RAB3IP: variants seen among roughly 807,000 people sequenced by gnomAD.
RAB3IP encodes the protein rab-3A-interacting protein.
Under a neutral mutation model 59.1 loss-of-function variants are expected in RAB3IP, and 36 were observed. The observed-to-expected ratio is 0.61, with a 90% confidence interval of 0.47 to 0.80. RAB3IP has a LOEUF of 0.80. Among genes scored for constraint, RAB3IP ranks in the 30% least tolerant of loss-of-function variants. RAB3IP has a pLI of 0.00. For missense variants in RAB3IP, 511 were observed against 536.0 expected, an observed-to-expected ratio of 0.95 and a Z score of 0.46; for synonymous variants, 207 against 191.2, an observed-to-expected ratio of 1.08 and a Z score of -0.68.
intron 8 of RAB3IP, among the ~76,000 whole-genome samples, chr12:69,803,325 G>A (rs1878683897): frequency 6.6e-6 from 1 of 152,084 alleles, no homozygotes; most frequent in African/African-American, 2.4e-5. Context: ...CTTCCTTTAT[G>A]AAATGTGAAG....
chr12:69,759,327 C>T (rs982011157), intron 3 of RAB3IP, among the ~76,000 whole-genome samples: 40 of 151,906 alleles, frequency 2.6e-4, no homozygotes, highest in African/African-American at 9.4e-4. Flanking sequence ...AACAGCATCC[C>T]AAGGCAGAAG....
chr12:69,757,800 G>A (rs929892168), intron 3 of RAB3IP, among the ~76,000 whole-genome samples: 4 of 152,100 alleles, frequency 2.6e-5, no homozygotes, highest in Non-Finnish European at 5.9e-5. Context: ...AGACTTTGTT[G>A]TCTTAATAGA....
intron 3 of RAB3IP, among the ~76,000 whole-genome samples, chr12:69,769,148 C>G (rs1872708092): frequency 6.6e-6 from 1 of 152,164 alleles, no homozygotes; most frequent in Admixed American, 6.5e-5. Context: ...GCCTCCTCAG[C>G]AATGTGGGAA....
chr12:69,807,681 G>A (rs556442025), intron 8 of RAB3IP, among the ~76,000 whole-genome samples: 29 of 127,306 alleles, frequency 2.3e-4, no homozygotes, highest in Non-Finnish European at 4.5e-4. Flanking sequence ...CATCCCAGAC[G>A]ATGGGCGGCC....
At chr12:69,744,520 C>T (rs1301562303) in intron 1 of RAB3IP, among the ~76,000 whole-genome samples, 4 of 151,732 alleles carry the variant, frequency 2.6e-5, no homozygotes, top group Non-Finnish European at 5.9e-5. Context: ...GTCAGGAGTT[C>T]GAGACAAGCC....
At chr12:69,794,950 A>G (rs1048238292) in intron 5 of RAB3IP, among the ~76,000 whole-genome samples, 191 bp from the exon 6 acceptor site, 2 of 152,198 alleles carry the variant, frequency 1.3e-5, no homozygotes, top group Non-Finnish European at 2.9e-5. Context: ...TGACGTTGTT[A>G]ATAATAGATG....
At position 69,747,091 on chromosome 12, in the gene RAB3IP, C is replaced by T. The variant is rs146168189; in HGVS notation, c.-26+8060C>T. Among the ~76,000 whole-genome samples, 473 of 152,222 alleles carry T rather than the reference C, an allele frequency of 3.1e-3. 1 individual carries two copies. Among genetic ancestry groups the T allele is most frequent in the African/African-American group, 0.01 (425 of 41,534 alleles). On this transcript the variant is annotated intron_variant, in intron 1 of 10. Coordinates refer to ENST00000247833, the MANE Select transcript of RAB3IP (RefSeq NM_022456.5). The stretch of plus-strand genomic sequence containing the variant: ...AATAAGCTTTTAAACCCAAACTCAA[C>T]AATCATTGCTTTTTGTTCTTAGTGA...
Position 69,815,501 on chromosome 12 carries a change from AT to A in RAB3IP, c.*60del. 8.4e-7 allele frequency: 1 copy of A among 1,196,134 alleles called. No individual in the cohort carries two copies. The highest frequency in any genetic ancestry group is 1.2e-6 in the Non-Finnish European group (1 of 808,848). 74.1% of individuals were successfully genotyped at this position (1,196,134 alleles called of 1,614,324 possible). ...CCGAATAACTGAAAAATGGCTGAAT[AT>A]TTTTATGGTTACTTGATATTTATTT... On this transcript the variant is annotated 3_prime_UTR_variant, in exon 11 of 11. Coordinates refer to ENST00000247833, the MANE Select transcript of RAB3IP (RefSeq NM_022456.5).
intron 8 of RAB3IP, among the ~76,000 whole-genome samples, chr12:69,802,704 G>T (rs1878580859): frequency 1.3e-5 from 2 of 152,188 alleles, no homozygotes; most frequent in South Asian, 4.1e-4. Context: ...GAAAAGACTG[G>T]TTGAGATGAA....
At chr12:69,784,085 A>G (rs894908750) in intron 3 of RAB3IP, among the ~76,000 whole-genome samples, 8 of 152,222 alleles carry the variant, frequency 5.3e-5, no homozygotes, top group African/African-American at 1.9e-4. Flanking sequence ...AAAATTGCAT[A>G]TGCTTAATAG....
intron 3 of RAB3IP, among the ~76,000 whole-genome samples, chr12:69,779,396 C>G (rs940452815): frequency 2.0e-5 from 3 of 152,056 alleles, no homozygotes; most frequent in Non-Finnish European, 1.5e-5. Flanking sequence ...ACGCTGGTAG[C>G]TGTAGACCGG....
chr12:69,760,838 C>CA (rs778101082), intron 3 of RAB3IP, among the ~76,000 whole-genome samples: 8 of 152,164 alleles, frequency 5.3e-5, no homozygotes, highest in Non-Finnish European at 8.8e-5. Flanking sequence ...AGTCCTCTCT[C>CA]ACTGGCATAA....
At chr12:69,809,924 T>C in intron 8 of RAB3IP, among the ~76,000 whole-genome samples, 1 of 152,248 alleles carries the variant, frequency 6.6e-6, no homozygotes, top group Non-Finnish European at 1.5e-5. Context: ...CATCCAGCTT[T>C]GTTCCGTTGC....
chr12:69,744,565 A>T (rs1010456018), intron 1 of RAB3IP, among the ~76,000 whole-genome samples: 1 of 152,072 alleles, frequency 6.6e-6, no homozygotes, highest in Non-Finnish European at 1.5e-5. Context: ...TCTACTAAAA[A>T]TACAAAAAAT....
intron 1 of RAB3IP, chr12:69,739,951 G>GAACAGGCAACAT: frequency 7.4e-7 from 1 of 1,351,528 alleles, no homozygotes; most frequent in Non-Finnish European, 1.1e-6. Context: ...AATGTTGCCT[G>GAACAGGCAACAT]TTCGGAGGCT....
intron 8 of RAB3IP, among the ~76,000 whole-genome samples, chr12:69,810,065 G>A (rs1472534491): frequency 6.6e-6 from 1 of 152,200 alleles, no homozygotes; most frequent in Non-Finnish European, 1.5e-5. Flanking sequence ...GTGACGTACA[G>A]ATGGGTTTTT....
intron 1 of RAB3IP, among the ~76,000 whole-genome samples, chr12:69,747,762 A>G (rs1868561453): frequency 6.6e-6 from 1 of 152,200 alleles, no homozygotes; most frequent in Non-Finnish European, 1.5e-5. Context: ...TCTAGTAGAC[A>G]AGTACATTCC....
At chr12:69,812,248 AT>A (rs1380417865) in intron 8 of RAB3IP, 1 of 152,314 alleles carries the variant, frequency 6.6e-6, no homozygotes, top group African/African-American at 2.4e-5. Flanking sequence ...TTGTTACATG[AT>A]TGTTAAGATT....
intron 4 of RAB3IP, among the ~76,000 whole-genome samples, chr12:69,790,024 A>G (rs1467038118): frequency 6.6e-6 from 1 of 152,200 alleles, no homozygotes; most frequent in Admixed American, 6.5e-5. Flanking sequence ...GGTATAAGAC[A>G]AGGATGCCCA....
Sources: gnomAD v4.1 joint callset for allele counts (sites outside exome capture counted in the v4.1 genomes callset) on GRCh38, gnomAD v4.1.1 for gene constraint, MANE v1.5 for transcripts, NCBI Gene and HGNC (gene_info 2026-07-23, HGNC 2026-07-21) for gene names.